Variants in SLC37A2 observed in about 807,000 individuals in gnomAD.
SLC37A2 encodes the protein solute carrier family 37 member 2.
In SLC37A2, 59 loss-of-function variants were observed where a neutral mutation model predicts 70.7. The observed-to-expected ratio is 0.83, with a 90% CI of 0.68 to 1.04. SLC37A2 has a LOEUF of 1.04. Ranked by LOEUF, SLC37A2 falls within the 50% of genes least tolerant of loss-of-function variation. The pLI, the probability that SLC37A2 is intolerant of heterozygous loss-of-function variation, is 0.00. For synonymous variants in SLC37A2, 257 were observed against 262.1 expected (o/e 0.98, Z 0.19); for missense variants, 580 against 658.1 (o/e 0.88, Z 1.30).
intron 1 of SLC37A2, among the ~76,000 whole-genome samples, chr11:125,066,963 C>CTATTTTATTTTATTTTATTT (rs67287584): frequency 1.1e-4 from 17 of 150,616 alleles, no homozygotes; most frequent in African/African-American, 3.9e-4. Context: ...AGCCTAGTAA[C>CTATTTTATTTTATTTTATTT]TATTTTATTT....
At chr11:125,086,043 C>T in intron 17 of SLC37A2, 25 bp downstream of exon 17, 1 of 1,609,090 alleles carries the variant, frequency 6.2e-7, no homozygotes, top group Non-Finnish European at 8.5e-7. Flanking sequence ...CTGAAGCTGC[C>T]CCTCTACCAA....
At chr11:125,067,754 A>C (rs1948995899) in intron 1 of SLC37A2, among the ~76,000 whole-genome samples, 1 of 152,136 alleles carries the variant, frequency 6.6e-6, no homozygotes, top group African/African-American at 2.4e-5. Context: ...ACTATAATCC[A>C]AGACAAATCA....
In SLC37A2 at chr11:125,080,650, A is replaced by C. The variant is rs772633242; in HGVS notation, c.564A>C (p.Thr188=). 5 of 1,555,648 alleles carry C rather than the reference A, an allele frequency of 3.2e-6. No individual in the cohort carries two copies. The South Asian group carries it at 6.0e-5, about 19-fold the overall frequency. The change falls in exon 7 of 18, where the codon ACA becomes ACC. Residue 188 remains threonine (T), a synonymous_variant. Transcript: ENST00000403796. The surrounding 1 kb of genome is among the most constrained non-coding windows in gnomAD (Gnocchi z 4.3). ...TCATGGGCATCTGGAATTCCCACAC[A>C]TCTGTGGGCAACATCCTGGGCTCCC... ...GFIMGIWNSH[T]SVGNILGSLI... is the part of the protein sequence containing the mutation.
intron 16 of SLC37A2, 106 bp from the exon 17 acceptor site, chr11:125,085,848 T>G (rs963597341): frequency 2.3e-6 from 3 of 1,277,102 alleles, no homozygotes; most frequent in Non-Finnish European, 3.4e-6. Context: ...TGGCAGCGTG[T>G]CTCTCCCCCT....
Position 125,080,748 on chromosome 11 carries a change from T to A in SLC37A2, c.662T>A (p.Met221Lys), listed in dbSNP as rs1303736914. The A allele has an allele frequency of 1.3e-6, 2 of 1,533,160 alleles. No individual in the cohort carries two copies. The highest frequency in any genetic ancestry group is 8.8e-7 in the Non-Finnish European group (1 of 1,136,538). 95.0% of individuals were successfully genotyped at this position (1,533,160 alleles called of 1,614,324 possible). A position where few individuals can be genotyped will look rare whatever the true frequency, so the allele number is the denominator to read the frequency against. ...GTGCCTGGCATCATTACTGCCGTCA[T>A]GGGCGTCATCACCTTCCTCTTCCTC... Reference protein sequence around the residue: ...FIVPGIITAVMGVITFLFLIE... With the variant: ...FIVPGIITAVKGVITFLFLIE... Residue 221 changes from methionine to lysine, a missense_variant, in exon 7 of 18, where the codon ATG becomes AAG. By Grantham distance (95) the Met-to-Lys change is moderately conservative (BLOSUM62 -1). Coordinates refer to ENST00000403796, the MANE Select transcript of SLC37A2 (RefSeq NM_001145290.2). This position sits in a 1 kb window ranked among gnomAD's most constrained non-coding sequence, Gnocchi z 4.3.
chr11:125,063,371 C>G lies in SLC37A2; in HGVS notation c.4C>G (p.Arg2Gly). Residue 2 changes from arginine (R) to glycine (G), a missense_variant, in exon 1 of 18, where the codon CGG becomes GGG. Coordinates refer to ENST00000403796, the MANE Select transcript of SLC37A2 (RefSeq NM_001145290.2). This position sits in a 1 kb window ranked among gnomAD's most constrained non-coding sequence, Gnocchi z 5.4. ...CCTTAGGTACCGGTCAGGCAAAATG[C>G]GGTCCTCCCTGGCTCCGGGAGTCTG... M[R>G]SSLAPGVWFF... is the part of the protein sequence containing the mutation. 6.2e-7 allele frequency: 1 copy of G among 1,611,210 alleles called. No individual in the cohort carries two copies. The highest frequency in any genetic ancestry group is 8.5e-7 in the Non-Finnish European group (1 of 1,178,904).
intron 4 of SLC37A2, among the ~76,000 whole-genome samples, chr11:125,078,289 C>T (rs1446494653): frequency 6.6e-6 from 1 of 152,206 alleles, no homozygotes; most frequent in Non-Finnish European, 1.5e-5. Flanking sequence ...AGGTCATTTG[C>T]ACATGAGGTC....
At chr11:125,082,435 A>G in intron 10 of SLC37A2, 101 bp downstream of exon 10, 1 of 971,404 alleles carries the variant, frequency 1.0e-6, no homozygotes, top group Non-Finnish European at 1.7e-6. Context: ...ATTCCAGTAT[A>G]TAGGCAGAAT....
rs192110459 is a variant in SLC37A2 at position 125,081,145 on chromosome 11, C to T, written c.695-276C>T. 1.8e-3 allele frequency among the ~76,000 whole-genome samples: 273 copies of T among 152,104 alleles called. 4 individuals carry two copies. Among genetic ancestry groups the T allele is most frequent in the Admixed American group, 0.018 (271 of 15,278 alleles). ...CAGGTGGTCTTGTGCACTAGCCAGG[C>T]CAGGTATGAGAGCCACTCTGTAGCT... On this transcript the variant is annotated intron_variant, in intron 7 of 17. Transcript: ENST00000403796.
At position 125,090,141 on chromosome 11, in the gene SLC37A2, G is replaced by C. The variant is rs918122037; in HGVS notation, c.*2007G>C. On this transcript the variant is annotated 3_prime_UTR_variant, in exon 18 of 18. Transcript: ENST00000403796. ...CTCAGGGATTGTAAATACACCCATCGGCACTGTGTATCTAGCTCAAGGTTT... is the reference window on the plus strand; with the variant it reads ...CTCAGGGATTGTAAATACACCCATCCGCACTGTGTATCTAGCTCAAGGTTT... 1 of 152,058 alleles carries C rather than the reference G, an allele frequency of 6.6e-6. No individual in the cohort carries two copies. Among genetic ancestry groups the C allele is most frequent in the Middle Eastern group, 3.1e-3 (1 of 318 alleles). 9.4% of individuals were successfully genotyped at this position (152,058 alleles called of 1,614,324 possible). A position where few individuals can be genotyped will look rare whatever the true frequency, so the allele number is the denominator to read the frequency against.
chr11:125,068,306 C>A (rs1949000292), intron 1 of SLC37A2, among the ~76,000 whole-genome samples: 1 of 152,186 alleles, frequency 6.6e-6, no homozygotes, highest in African/African-American at 2.4e-5. Context: ...TTCTTGACGT[C>A]TTGTGGCTGC....
rs1029736245 is a variant in SLC37A2 at position 125,088,256 on chromosome 11, A to G, written c.*122A>G. The G allele has an allele frequency of 1.5e-5, 17 of 1,161,704 alleles. No homozygotes were observed. The East Asian group carries it at 3.6e-4, about 25-fold the overall frequency. The allele number at this position is 1,161,704 out of a possible 1,614,324, so 72.0% of individuals were successfully genotyped here. ...AAACCCTCTTTATTGAACATTAGCC[A>G]GCCCAGCCCAGACCCCAGGGCTGCC... On this transcript the variant is annotated 3_prime_UTR_variant, in exon 18 of 18. Coordinates refer to ENST00000403796, the MANE Select transcript of SLC37A2 (RefSeq NM_001145290.2).
At chr11:125,066,406 C>T (rs1012943519) in intron 1 of SLC37A2, among the ~76,000 whole-genome samples, 1 of 152,092 alleles carries the variant, frequency 6.6e-6, no homozygotes, top group Non-Finnish European at 1.5e-5. Flanking sequence ...CAGTAAGATC[C>T]CATCTCTCAA....
chr11:125,075,623 A>T (rs1303843839), intron 1 of SLC37A2, among the ~76,000 whole-genome samples: 7 of 152,262 alleles, frequency 4.6e-5, no homozygotes, highest in African/African-American at 1.7e-4. Context: ...AGGAAGCTCG[A>T]TCCAGGGGCA....
At chr11:125,085,012 T>C in intron 13 of SLC37A2, 54 bp from the exon 14 acceptor site, 3 of 1,599,864 alleles carry the variant, frequency 1.9e-6, no homozygotes, top group Non-Finnish European at 2.6e-6. Context: ...TGCCTTGGGG[T>C]TGGGGCTGCG....
chr11:125,084,867 T>C lies in SLC37A2; in HGVS notation c.1168T>C (p.Ser390Pro), dbSNP rs1474270155. The C allele has an allele frequency of 1.2e-6, 2 of 1,613,560 alleles. No individual in the cohort carries two copies. Among genetic ancestry groups the C allele is most frequent in the East Asian group, 2.2e-5 (1 of 44,828 alleles). The change falls in exon 13 of 18, where the codon TCC (serine) becomes CCC (proline). Residue 390 changes from serine to proline, a missense_variant. By Grantham distance (74) the Ser-to-Pro change is moderately conservative. Transcript: ENST00000403796. ...NYIGQDGIAS[S>P]IVMLIICGGL... ...CATTGGCCAGGACGGGATTGCCAGC[T>C]CCATAGGTGAGGAGGAGGTTGCAAG...
At chr11:125,069,992 A>G (rs927222400) in intron 1 of SLC37A2, among the ~76,000 whole-genome samples, 2 of 152,218 alleles carry the variant, frequency 1.3e-5, no homozygotes, top group African/African-American at 4.8e-5. Context: ...AGCTGGCAGC[A>G]TGGGAGATGA....
chr11:125,081,624 T>A, intron 8 of SLC37A2, 130 bp from the exon 9 acceptor site: 1 of 1,400,738 alleles, frequency 7.1e-7, no homozygotes, highest in Non-Finnish European at 9.6e-7. Context: ...GTCTGGCAGG[T>A]CAGTCCAGCC....
chr11:125,082,956 T>C (rs1949165942), intron 10 of SLC37A2, among the ~76,000 whole-genome samples: 1 of 152,200 alleles, frequency 6.6e-6, no homozygotes, highest in Non-Finnish European at 1.5e-5. Flanking sequence ...GGCCTGGGTC[T>C]CTGCTTTTCC....
Sources: allele counts gnomAD v4.1 joint callset (sites outside exome capture counted in the v4.1 genomes callset), GRCh38; gene constraint gnomAD v4.1.1; non-coding constraint Gnocchi (gnomAD v3.1); transcripts MANE v1.5; gene names NCBI Gene and HGNC (gene_info 2026-07-23, HGNC 2026-07-21).